ZNF761: variants seen among roughly 807,000 people sequenced by gnomAD.
The protein encoded by ZNF761 is zinc finger protein 761.
Under a neutral mutation model 59.9 loss-of-function variants are expected in ZNF761, and 43 were observed. The ratio of observed to expected loss-of-function variants is 0.72; its 90% CI spans 0.56 to 0.92. The LOEUF is 0.92. Ranked by LOEUF, ZNF761 falls within the 40% of genes least tolerant of loss-of-function variation. ZNF761 has a pLI of 0.00. For synonymous variants in ZNF761, 294 were observed against 304.8 expected, an observed-to-expected ratio of 0.96 and a Z score of 0.37; for missense variants, 850 against 906.1, an observed-to-expected ratio of 0.94 and a Z score of 0.79.
chr19:53,455,329 G>T lies in ZNF761; in HGVS notation c.822G>T (p.Glu274Asp), dbSNP rs375418432. Residue 274 changes from glutamate to aspartate, a missense_variant, in exon 5 of 5, where the codon GAG becomes GAT. Transcript: ENST00000684525. ...GTGAGAATCCTTACAAGTGTAATGAGTGTGGCAAGACCTTCAGTCAGACGT... is the reference window on the plus strand; with the variant it reads ...GTGAGAATCCTTACAAGTGTAATGATTGTGGCAAGACCTTCAGTCAGACGT... ...HTGENPYKCN[E>D]CGKTFSQTSS... 15 of 1,614,096 alleles carry T rather than the reference G, an allele frequency of 9.3e-6. No individual in the cohort carries two copies. The highest frequency in any genetic ancestry group is 1.3e-5 in the African/African-American group (1 of 74,938).
In ZNF761 at chr19:53,445,868, C is replaced by G. The variant is rs151126125; in HGVS notation, c.-184-359C>G. Among the ~76,000 whole-genome samples, 452 of 152,254 alleles carry G rather than the reference C, an allele frequency of 3.0e-3. 4 individuals are homozygous for G. The highest frequency in any genetic ancestry group is 0.01 in the African/African-American group (434 of 41,566). On this transcript the variant is annotated intron_variant, in intron 1 of 4. Transcript: ENST00000684525. Reference sequence around the variant, plus strand: ...CTTCCCGTGTTCCCCAGAACAAAAGCCCAACTCCTCACTGTGGCTCCACAG... The same window carrying G: ...CTTCCCGTGTTCCCCAGAACAAAAGGCCAACTCCTCACTGTGGCTCCACAG...
At position 53,455,081 on chromosome 19, in the gene ZNF761, C is replaced by A. The variant is rs762929700; in HGVS notation, c.574C>A (p.His192Asn). ...GCCCAAAACCCATATATCTAATAACCATGGGAATAATTTCTGGAATTCTTC... is the reference window on the plus strand; with the variant it reads ...GCCCAAAACCCATATATCTAATAACAATGGGAATAATTTCTGGAATTCTTC... ...CRPKTHISNN[H>N]GNNFWNSSLL... The change falls in exon 5 of 5, where the codon CAT becomes AAT. Residue 192 changes from histidine to asparagine, a missense_variant. Physicochemically the swap from His to Asn is moderately conservative, Grantham distance 68. Transcript: ENST00000684525. The A allele has an allele frequency of 1.9e-6, 3 of 1,614,016 alleles. No individual in the cohort carries two copies. Among genetic ancestry groups the A allele is most frequent in the Non-Finnish European group, 1.7e-6 (2 of 1,180,026 alleles).
In ZNF761 at chr19:53,456,439, T is replaced by A. The variant is rs2086272334; in HGVS notation, c.1932T>A (p.Arg644=). Residue 644 remains arginine, a synonymous_variant, in exon 5 of 5, where the codon CGT becomes CGA. Coordinates refer to ENST00000684525, the MANE Select transcript of ZNF761 (RefSeq NM_001289951.2). ...GTGAAGAATGTGACAAAGCTTTCCG[T>A]GTGAAATCAAACCTTGAAGGACATA... ...YKCEECDKAF[R]VKSNLEGHRR... The A allele has an allele frequency of 6.2e-7, 1 of 1,612,852 alleles. No individual in the cohort carries two copies. The highest frequency in any genetic ancestry group is 1.1e-5 in the South Asian group (1 of 90,986).
At chr19:53,435,118 C>T (rs768467484) in intron 1 of ZNF761, among the ~76,000 whole-genome samples, 5 of 151,768 alleles carry the variant, frequency 3.3e-5, no homozygotes, top group African/African-American at 4.8e-5. Flanking sequence ...AATAGGCCAT[C>T]GGTAAAAGGG....
chr19:53,454,426 ATGTTT>A (rs1350357521), intron 4 of ZNF761, among the ~76,000 whole-genome samples: 3 of 152,218 alleles, frequency 2.0e-5, no homozygotes, highest in African/African-American at 7.2e-5. Context: ...TGCCCTGTCA[ATGTTT>A]TGTCACGATC....
rs1426879622 is a variant in ZNF761, at chr19:53,455,816, G to A, written c.1309G>A (p.Ala437Thr). ...TCGGAAAATTCATACTGAAGACAAT[G>A]CTTACAAGTGTAATGAGTGTGGAAA... The part of the protein sequence containing the change: ...IHRKIHTEDN[A>T]YKCNECGKTF... The change falls in exon 5 of 5, where the codon GCT becomes ACT. Residue 437 changes from alanine to threonine, a missense_variant. Ala to Thr is a moderately conservative substitution (Grantham distance 58). Transcript: ENST00000684525. 2 of 1,612,278 alleles carry A rather than the reference G, an allele frequency of 1.2e-6. No homozygotes were observed. Among genetic ancestry groups the A allele is most frequent in the Non-Finnish European group, 1.7e-6 (2 of 1,179,588 alleles).
rs75543350 is a variant in ZNF761 at position 53,441,074 on chromosome 19, G to A, written c.-184-5153G>A. 5.0e-3 allele frequency among the ~76,000 whole-genome samples: 759 copies of A among 152,288 alleles called. 9 individuals carry two copies. The highest frequency in any genetic ancestry group is 0.017 in the African/African-American group (713 of 41,568). ...AGGCGAGTGGGTCACCTAAGGTGAG[G>A]AGTTCAAGAGCAGCCTGGCCAACAT... On this transcript the variant is annotated intron_variant, in intron 1 of 4. Transcript: ENST00000684525.
At chr19:53,434,172 T>C (rs2086009791) in intron 1 of ZNF761, among the ~76,000 whole-genome samples, 1 of 152,230 alleles carries the variant, frequency 6.6e-6, no homozygotes, top group Non-Finnish European at 1.5e-5. Flanking sequence ...AATACCTTCG[T>C]GACTTATCTT....
intron 4 of ZNF761, among the ~76,000 whole-genome samples, chr19:53,451,451 C>G (rs1480544761): frequency 1.3e-5 from 2 of 152,200 alleles, no homozygotes; most frequent in South Asian, 2.1e-4. Context: ...TCAACTGATC[C>G]ACCAACCTCG....
Position 53,438,960 on chromosome 19 carries a change from A to G in ZNF761, c.-185+6932A>G, listed in dbSNP as rs543107106. On this transcript the variant is annotated intron_variant, in intron 1 of 4. Transcript: ENST00000684525. ...GGCAGGGTATAGGCCATGAGGTCTG[A>G]GGCCAATGTTTCTCTAAAGATTGTG... Among the ~76,000 whole-genome samples the G allele has an allele frequency of 6.6e-5, 10 of 152,314 alleles. 1 individual carries two copies. In the South Asian group the frequency reaches 1.2e-3, roughly 19 times the overall value.
chr19:53,442,251 C>T (rs12983857), intron 1 of ZNF761: 849,051 of 1,268,024 alleles, frequency 0.67, 290,876 homozygotes, highest in South Asian at 0.76. Flanking sequence ...AGAGGTGGCT[C>T]GTAAGTTGGT....
chr19:53,440,955 G>A (rs948748342), intron 1 of ZNF761, among the ~76,000 whole-genome samples: 4 of 152,166 alleles, frequency 2.6e-5, no homozygotes, highest in African/African-American at 9.7e-5. Flanking sequence ...GGATTACAAG[G>A]ATAAGCCACC....
At chr19:53,447,081 G>A in intron 2 of ZNF761, 115 bp from the exon 3 acceptor site, 2 of 600,302 alleles carry the variant, frequency 3.3e-6, no homozygotes, top group Admixed American at 3.1e-5. Flanking sequence ...CTGGTGCAGT[G>A]GGCAGCAGAC....
chr19:53,438,882 G>A (rs1306132922), intron 1 of ZNF761, among the ~76,000 whole-genome samples: 1 of 152,132 alleles, frequency 6.6e-6, no homozygotes, highest in East Asian at 1.9e-4. Context: ...TCTCAGGTTG[G>A]GGCAGGCAAA....
intron 4 of ZNF761, among the ~76,000 whole-genome samples, chr19:53,451,306 G>A (rs535161295): frequency 2.0e-5 from 3 of 152,290 alleles, no homozygotes; most frequent in African/African-American, 7.2e-5. Context: ...CAACTCCCAG[G>A]TTCAAGCAAT....
chr19:53,442,350 A>G, intron 1 of ZNF761: 1 of 1,096,142 alleles, frequency 9.1e-7, no homozygotes. Context: ...GATCAGACTG[A>G]TGGACCAGAA....
At position 53,454,894 on chromosome 19, in the gene ZNF761, T is replaced by C; in HGVS notation, c.387T>C (p.Ser129=). ...GTATTACAGAACGATATGATCAAAG[T>C]CATGCTAGAAACAAGCCTATTAAAG... ...LTGITERYDQ[S]HARNKPIKDQ... The change falls in exon 5 of 5, where the codon AGT becomes AGC. Residue 129 remains serine (S), a synonymous_variant. Transcript: ENST00000684525. 2 of 1,614,170 alleles carry C rather than the reference T, an allele frequency of 1.2e-6. No individual in the cohort carries two copies. Among genetic ancestry groups the C allele is most frequent in the Non-Finnish European group, 1.7e-6 (2 of 1,180,012 alleles).
rs560960629 is a variant in ZNF761 at position 53,436,890 on chromosome 19, T to G, written c.-185+4862T>G. Among the ~76,000 whole-genome samples the G allele has an allele frequency of 2.5e-4, 38 of 152,150 alleles. 1 individual carries two copies. Among genetic ancestry groups the G allele is most frequent in the Non-Finnish European group, 4.9e-4 (33 of 68,030 alleles). On this transcript the variant is annotated intron_variant, in intron 1 of 4. Coordinates refer to ENST00000684525, the MANE Select transcript of ZNF761 (RefSeq NM_001289951.2). The stretch of plus-strand genomic sequence containing the variant: ...CAGTTCGCTAAAGTTTATAAGCAAG[T>G]TTTCACAAGGCACGGCTCCTACTTC...
rs1057408657 is a variant in ZNF761 at position 53,449,617 on chromosome 19, T to C, written c.121T>C (p.Tyr41His). Residue 41 changes from tyrosine to histidine, a missense_variant, in exon 4 of 5, where the codon TAT (tyrosine) becomes CAT (histidine). Physicochemically the swap from Tyr to His is moderately conservative, Grantham distance 83 (BLOSUM62 2). Coordinates refer to ENST00000684525, the MANE Select transcript of ZNF761 (RefSeq NM_001289951.2). The part of the protein sequence containing the change: ...TLYRDVMLEN[Y>H]RNLVSLDISS... ...ATACAGGGACGTGATGCTGGAGAATTATAGGAACCTGGTCTCCCTGGGTGA... is the reference window on the plus strand; with the variant it reads ...ATACAGGGACGTGATGCTGGAGAATCATAGGAACCTGGTCTCCCTGGGTGA... The C allele has an allele frequency of 7.5e-6, 12 of 1,609,706 alleles. No homozygotes were observed. The Admixed American group carries it at 8.4e-5, about 11-fold the overall frequency.
Sources: gnomAD v4.1 joint callset for allele counts (sites outside exome capture counted in the v4.1 genomes callset) on GRCh38, gnomAD v4.1.1 for gene constraint, MANE v1.5 for transcripts, NCBI Gene and HGNC (gene_info 2026-07-23, HGNC 2026-07-21) for gene names.